SCN11A: variants seen among roughly 807,000 people sequenced by gnomAD.
The protein encoded by SCN11A is sodium voltage-gated channel alpha subunit 11.
In SCN11A, 122 loss-of-function variants were observed where a neutral mutation model predicts 162.2. The observed-to-expected ratio is 0.75, with a 90% CI of 0.65 to 0.87. The LOEUF is 0.87. Among genes scored for constraint, SCN11A ranks in the 40% least tolerant of loss-of-function variants. The probability of loss-of-function intolerance (pLI) is 0.00; values close to 1 mark genes in which losing one functional copy is unlikely to be tolerated. For synonymous variants in SCN11A, 758 were observed against 751.5 expected (o/e 1.01, Z -0.14); for missense variants, 2,015 against 2,181.6 (o/e 0.92, Z 1.52).
intron 1 of SCN11A, among the ~76,000 whole-genome samples, chr3:39,044,232 G>C (rs1238947801): frequency 6.6e-6 from 1 of 152,110 alleles, no homozygotes; most frequent in Non-Finnish European, 1.5e-5. Flanking sequence ...ATACAATTAA[G>C]TTGGGGATTT....
At chr3:38,891,980 A>C (rs777596685) in intron 19 of SCN11A, among the ~76,000 whole-genome samples, 15 of 152,234 alleles carry the variant, frequency 9.9e-5, no homozygotes, top group Non-Finnish European at 1.6e-4. Flanking sequence ...ACCTAGACAT[A>C]TCATAGTAAA....
chr3:39,046,278 C>CAAGG (rs1387368943), intron 1 of SCN11A, among the ~76,000 whole-genome samples: 1 of 100,246 alleles, frequency 1.0e-5, no homozygotes, highest in Non-Finnish European at 1.8e-5. Context: ...AGGACAGAAG[C>CAAGG]AAGGAAGGAA....
intron 2 of SCN11A, among the ~76,000 whole-genome samples, chr3:38,998,178 T>C (rs2030701493): frequency 6.6e-6 from 1 of 152,200 alleles, no homozygotes; most frequent in Non-Finnish European, 1.5e-5. Context: ...TTCAGAAATA[T>C]GACTACTACG....
intron 28 of SCN11A, among the ~76,000 whole-genome samples, chr3:38,857,277 A>C (rs910336996): frequency 6.6e-6 from 1 of 152,140 alleles, no homozygotes; most frequent in Non-Finnish European, 1.5e-5. Flanking sequence ...ATGGATAAGA[A>C]AATTTTCCAG....
At chr3:38,964,947 T>C (rs2066772200) in intron 2 of SCN11A, among the ~76,000 whole-genome samples, 1 of 152,194 alleles carries the variant, frequency 6.6e-6, no homozygotes. Flanking sequence ...TCCATGCAAA[T>C]AAGCAGATGT....
chr3:38,950,151 C>A lies in SCN11A; in HGVS notation c.212G>T (p.Arg71Leu). Residue 71 changes from arginine to leucine, a missense_variant, in exon 5 of 30, where the codon CGT becomes CTT. Transcript: ENST00000302328. ...TTCCAGAGGCTTTCCTATGAGCTCA[C>A]GAGGAATGTCGCCATAGAGCTTGGG... ...KLPKLYGDIPRELIGKPLEDL... is the reference protein window; with the variant it reads ...KLPKLYGDIPLELIGKPLEDL... 2 of 1,605,986 alleles carry A rather than the reference C, an allele frequency of 1.2e-6. No individual in the cohort carries two copies. The highest frequency in any genetic ancestry group is 1.7e-6 in the Non-Finnish European group (2 of 1,177,688).
chr3:39,046,528 A>G (rs772772474), intron 1 of SCN11A, among the ~76,000 whole-genome samples: 1 of 151,814 alleles, frequency 6.6e-6, no homozygotes, highest in Non-Finnish European at 1.5e-5. Context: ...TAAAATTCAT[A>G]TGGAACTACA....
intron 22 of SCN11A, 144 bp downstream of exon 22, chr3:38,883,088 AC>A: frequency 1.5e-6 from 1 of 663,600 alleles, no homozygotes; most frequent in Non-Finnish European, 2.5e-6. Flanking sequence ...GCTGTGCAAA[AC>A]CCTGCCCACT....
At chr3:38,943,771 A>G (rs1275345990) in intron 7 of SCN11A, among the ~76,000 whole-genome samples, 1 of 149,942 alleles carries the variant, frequency 6.7e-6, no homozygotes, top group South Asian at 2.1e-4. Context: ...AGTGGATCAC[A>G]TGGAGGTAGA....
intron 28 of SCN11A, among the ~76,000 whole-genome samples, chr3:38,854,853 T>C (rs939670526): frequency 6.6e-6 from 1 of 152,182 alleles, no homozygotes; most frequent in African/African-American, 2.4e-5. Flanking sequence ...GTCTCCAGCT[T>C]GGGCCCTGGA....
chr3:38,878,561 G>A (rs963953536), intron 23 of SCN11A, among the ~76,000 whole-genome samples: 5 of 152,004 alleles, frequency 3.3e-5, no homozygotes, highest in Non-Finnish European at 7.4e-5. Flanking sequence ...AAGATAATAC[G>A]TACAGAGTTA....
chr3:38,865,333 A>C (rs1575220102), intron 27 of SCN11A, among the ~76,000 whole-genome samples: 1 of 152,202 alleles, frequency 6.6e-6, no homozygotes, highest in Non-Finnish European at 1.5e-5. Flanking sequence ...CTGACATCCA[A>C]ATTGCAGGTA....
chr3:38,970,372 T>C (rs935130308), intron 2 of SCN11A, among the ~76,000 whole-genome samples: 1 of 152,212 alleles, frequency 6.6e-6, no homozygotes, highest in Non-Finnish European at 1.5e-5. Context: ...GAGTATTTCT[T>C]TGAAACAAAT....
intron 12 of SCN11A, among the ~76,000 whole-genome samples, chr3:38,909,583 CT>C (rs57060960): frequency 0.099 from 13,193 of 133,328 alleles, 1,013 homozygotes; most frequent in African/African-American, 0.26. Flanking sequence ...CTTGAAGTTT[CT>C]TTTTTTTTTT....
At chr3:39,031,819 T>C (rs892362626) in intron 2 of SCN11A, among the ~76,000 whole-genome samples, 1 of 152,212 alleles carries the variant, frequency 6.6e-6, no homozygotes, top group African/African-American at 2.4e-5. Flanking sequence ...TGAATCTGAT[T>C]AATATCCGTG....
chr3:38,941,135 T>C (rs1276324004), intron 7 of SCN11A, among the ~76,000 whole-genome samples: 1 of 152,080 alleles, frequency 6.6e-6, no homozygotes, highest in Non-Finnish European at 1.5e-5. Flanking sequence ...TCCTGAAGAT[T>C]TAAGGTGGCC....
chr3:38,907,242 A>G (rs1199878616), intron 14 of SCN11A, among the ~76,000 whole-genome samples: 3 of 150,418 alleles, frequency 2.0e-5, no homozygotes, highest in South Asian at 2.1e-4. Context: ...GAGGGAAATT[A>G]TTGTCTTCTG....
intron 16 of SCN11A, 77 bp from the exon 17 acceptor site, chr3:38,900,150 G>A (rs2065675797): frequency 2.7e-6 from 3 of 1,126,748 alleles, no homozygotes; most frequent in South Asian, 1.4e-5. Flanking sequence ...GGGAAGTACA[G>A]AGGTTACAAT....
At chr3:38,883,596 T>C (rs998652981) in intron 21 of SCN11A, among the ~76,000 whole-genome samples, 1 of 152,228 alleles carries the variant, frequency 6.6e-6, no homozygotes, top group African/African-American at 2.4e-5. Flanking sequence ...GAAGTCACAC[T>C]GTGCCAGTTC....
Sources: allele counts gnomAD v4.1 joint callset (sites outside exome capture counted in the v4.1 genomes callset), GRCh38; gene constraint gnomAD v4.1.1; transcripts MANE v1.5; gene names NCBI Gene and HGNC (gene_info 2026-07-23, HGNC 2026-07-21).